The following RALB variants were observed in gnomAD, a reference collection of about 807,000 sequenced individuals.
The protein encoded by RALB is RAS like proto-oncogene B.
RALB carries 16 observed loss-of-function variants against 21.3 expected under a neutral mutation model. The observed-to-expected ratio is 0.75, with a 90% CI of 0.51 to 1.14. The LOEUF (loss-of-function observed/expected upper bound fraction) is 1.14, where lower values mean the gene tolerates loss of function less well. RALB is among the 50% of genes most tolerant of loss of function. The probability of loss-of-function intolerance (pLI) is 0.00; values close to 1 mark genes in which losing one functional copy is unlikely to be tolerated. For missense variants in RALB, 161 were observed against 256.2 expected (o/e 0.63, Z 2.54); for synonymous variants, 93 against 96.1 (o/e 0.97, Z 0.19).
chr2:120,255,332 G>A (rs1689174055), intron 1 of RALB, among the ~76,000 whole-genome samples: 1 of 152,054 alleles, frequency 6.6e-6, no homozygotes, highest in Non-Finnish European at 1.5e-5. Flanking sequence ...CGAGCACAGA[G>A]GAAAAGGAAC....
intron 1 of RALB, among the ~76,000 whole-genome samples, chr2:120,272,465 A>G (rs1689688778): frequency 6.6e-6 from 1 of 152,242 alleles, no homozygotes; most frequent in Admixed American, 6.5e-5. Flanking sequence ...GGGACGACAG[A>G]TGAATGGATT....
At chr2:120,280,882 A>G in intron 2 of RALB, 1 of 443,612 alleles carries the variant, frequency 2.3e-6, no homozygotes, top group Non-Finnish European at 4.5e-6. Context: ...TATACAGCAA[A>G]CAAAAAAGTA....
At chr2:120,240,764 G>C (rs1688880937) in intron 1 of RALB, among the ~76,000 whole-genome samples, 1 of 152,164 alleles carries the variant, frequency 6.6e-6, no homozygotes, top group Non-Finnish European at 1.5e-5. Flanking sequence ...GACCTCCTGG[G>C]TGTCTTTCCT....
At chr2:120,252,824 C>A, upstream of RALB, 1 of 985,610 alleles carries the variant, frequency 1.0e-6, no homozygotes, top group Non-Finnish European at 1.2e-6. Context: ...GTTGCCTAGG[C>A]GACGCCGGAG....
intron 4 of RALB, among the ~76,000 whole-genome samples, 197 bp downstream of exon 4, chr2:120,289,954 G>C (rs1690268074): frequency 6.6e-6 from 1 of 152,180 alleles, no homozygotes; most frequent in Non-Finnish European, 1.5e-5. Context: ...ACAACTCACA[G>C]AACCTTTTAC....
intron 1 of RALB, chr2:120,253,805 G>C: frequency 1.4e-6 from 1 of 699,918 alleles, no homozygotes; most frequent in Non-Finnish European, 1.8e-6. Flanking sequence ...TTGGCTGATT[G>C]CTCATCTGGG....
At chr2:120,280,185 G>A (rs1003589689) in intron 2 of RALB, among the ~76,000 whole-genome samples, 3 of 152,162 alleles carry the variant, frequency 2.0e-5, no homozygotes, top group African/African-American at 7.2e-5. Flanking sequence ...AAGCTCAATA[G>A]AGGTTTCCTA....
chr2:120,293,409 A>C lies in RALB; in HGVS notation c.*149A>C. 1.2e-6 allele frequency: 1 copy of C among 846,964 alleles called. No homozygotes were observed. The highest frequency in any genetic ancestry group is 1.6e-6 in the Non-Finnish European group (1 of 607,126). 52.5% of individuals were successfully genotyped at this position (846,964 alleles called of 1,614,324 possible). On this transcript the variant is annotated 3_prime_UTR_variant, in exon 5 of 5. Coordinates refer to ENST00000272519, the MANE Select transcript of RALB (RefSeq NM_002881.3). ...CTTTAAATGGGGAAAAATATTTGTG[A>C]CTCTGTGGCTGGCAGAAGAAATAAG...
chr2:120,293,278 G>A lies in RALB; in HGVS notation c.*18G>A. On this transcript the variant is annotated 3_prime_UTR_variant, in exon 5 of 5. Coordinates refer to ENST00000272519, the MANE Select transcript of RALB (RefSeq NM_002881.3). Reference sequence around the variant, plus strand: ...TACTATGAGTGTCAAGGTGACGGATGAAGCCAGCTGCTCCTAAGGACACAG... The same window carrying A: ...TACTATGAGTGTCAAGGTGACGGATAAAGCCAGCTGCTCCTAAGGACACAG... 3 of 1,603,800 alleles carry A rather than the reference G, an allele frequency of 1.9e-6. No homozygotes were observed. Among genetic ancestry groups the A allele is most frequent in the East Asian group, 2.3e-5 (1 of 44,406 alleles).
intron 1 of RALB, among the ~76,000 whole-genome samples, chr2:120,273,667 C>T (rs1184392129): frequency 1.3e-5 from 2 of 152,178 alleles, no homozygotes; most frequent in Non-Finnish European, 2.9e-5. Context: ...GGCCTATGCC[C>T]AGGAATAAGA....
At chr2:120,252,767 G>A (rs1180468595), upstream of RALB, 13 of 985,158 alleles carry the variant, frequency 1.3e-5, no homozygotes, top group Non-Finnish European at 1.6e-5. Flanking sequence ...CGTGGCTTCC[G>A]AGGAGAGGGC....
intron 1 of RALB, among the ~76,000 whole-genome samples, chr2:120,276,907 A>G (rs1221480592): frequency 6.6e-6 from 1 of 152,208 alleles, no homozygotes; most frequent in Non-Finnish European, 1.5e-5. Context: ...AACCACACTC[A>G]TGCCTGCCAG....
chr2:120,273,582 A>T (rs1689720418), intron 1 of RALB, among the ~76,000 whole-genome samples: 1 of 152,244 alleles, frequency 6.6e-6, no homozygotes, highest in South Asian at 2.1e-4. Flanking sequence ...CAGTCCCTGA[A>T]CAAGGAAAGG....
At chr2:120,271,573 C>T (rs1689666671) in intron 1 of RALB, among the ~76,000 whole-genome samples, 1 of 152,188 alleles carries the variant, frequency 6.6e-6, no homozygotes, top group South Asian at 2.1e-4. Flanking sequence ...ACAGAGCTAT[C>T]TTTGGAGACT....
chr2:120,271,324 A>T (rs758937487), intron 1 of RALB, among the ~76,000 whole-genome samples: 8 of 152,142 alleles, frequency 5.3e-5, no homozygotes, highest in Admixed American at 2.0e-4. Context: ...AGAGAGCCCT[A>T]TCTAATATTA....
intron 1 of RALB, among the ~76,000 whole-genome samples, chr2:120,260,790 A>G (rs1009872515): frequency 6.6e-6 from 1 of 152,214 alleles, no homozygotes; most frequent in Admixed American, 6.5e-5. Context: ...TGCTCATTTT[A>G]AAGAGGAGGA....
intron 1 of RALB, among the ~76,000 whole-genome samples, chr2:120,241,121 T>G (rs528358786): frequency 8.7e-4 from 132 of 152,302 alleles, no homozygotes; most frequent in African/African-American, 3.1e-3. Flanking sequence ...GACTGCCCAG[T>G]GGCGAAAATC....
chr2:120,283,578 G>A (rs1382158903), intron 2 of RALB, among the ~76,000 whole-genome samples: 1 of 152,206 alleles, frequency 6.6e-6, no homozygotes, highest in Non-Finnish European at 1.5e-5. Context: ...TGCCAGGGTG[G>A]CAGCAGTCAG....
chr2:120,252,842 C>A, upstream of RALB: 4 of 985,568 alleles, frequency 4.1e-6, no homozygotes, highest in Non-Finnish European at 4.8e-6. Flanking sequence ...GAGGCGCGCT[C>A]GGGGGGTGGG....
Sources: allele counts gnomAD v4.1 joint callset (sites outside exome capture counted in the v4.1 genomes callset), GRCh38; gene constraint gnomAD v4.1.1; transcripts MANE v1.5; gene names NCBI Gene and HGNC (gene_info 2026-07-23, HGNC 2026-07-21).